RAPGEFL1: variants seen among roughly 807,000 people sequenced by gnomAD.
RAPGEFL1 encodes Rap guanine nucleotide exchange factor like 1, also known as rap guanine nucleotide exchange factor-like 1.
A neutral mutation model predicts 64.4 loss-of-function variants in RAPGEFL1; 31 were observed. The ratio of observed to expected loss-of-function variants is 0.48; its 90% CI spans 0.36 to 0.65. The LOEUF (loss-of-function observed/expected upper bound fraction) is 0.65, where lower values mean the gene tolerates loss of function less well. RAPGEFL1 is among the 30% of genes least tolerant of loss of function. The pLI is 0.00. For synonymous variants in RAPGEFL1, 331 were observed against 274.1 expected (o/e 1.21, Z -2.05); for missense variants, 682 against 677.4 (o/e 1.01, Z -0.08).
At chr17:40,177,256 T>G (rs911034303), upstream of RAPGEFL1, 2 of 702,480 alleles carry the variant, frequency 2.8e-6, no homozygotes, top group Non-Finnish European at 2.6e-6. Context: ...GACCCGGTTA[T>G]CCCTTGAGCC....
chr17:40,184,140 A>G (rs1989985659), intron 2 of RAPGEFL1, 74 bp from the exon 3 acceptor site: 6 of 1,148,786 alleles, frequency 5.2e-6, no homozygotes, highest in African/African-American at 1.5e-5. Flanking sequence ...CACTGCGCCC[A>G]GCCTAGCCTC....
intron 2 of RAPGEFL1, among the ~76,000 whole-genome samples, chr17:40,182,121 C>G (rs1989913885): frequency 6.6e-6 from 1 of 151,932 alleles, no homozygotes; most frequent in African/African-American, 2.4e-5. Flanking sequence ...GGTTTCAGTC[C>G]CAGCTTTTCT....
intron 2 of RAPGEFL1, among the ~76,000 whole-genome samples, chr17:40,182,248 T>C (rs1266673827): frequency 6.6e-6 from 1 of 152,142 alleles, no homozygotes; most frequent in Non-Finnish European, 1.5e-5. Context: ...GCTATGAAGA[T>C]CAGTCTGATA....
At position 40,192,766 on chromosome 17, in the gene RAPGEFL1, C is replaced by G; in HGVS notation, c.1744+73C>G. 2.7e-6 allele frequency: 4 copies of G among 1,474,260 alleles called. No individual in the cohort carries two copies. In the South Asian group the frequency reaches 4.6e-5, roughly 17 times the overall value. 91.3% of individuals were successfully genotyped at this position (1,474,260 alleles called of 1,614,324 possible). On this transcript the variant is annotated intron_variant, in intron 12 of 14. Transcript: ENST00000620260. ...TCTCCTATGCCCTGCTTCTGACTTCCAGCTCCCTCTCGACTCAGCCCTGAG... is the reference window on the plus strand; with the variant it reads ...TCTCCTATGCCCTGCTTCTGACTTCGAGCTCCCTCTCGACTCAGCCCTGAG...
In RAPGEFL1 at chr17:40,177,473, T is replaced by G; in HGVS notation, c.-389T>G. The G allele has an allele frequency of 1.6e-6, 1 of 623,278 alleles. No homozygotes were observed. The highest frequency in any genetic ancestry group is 2.9e-6 in the Non-Finnish European group (1 of 346,644). The allele number at this position is 623,278 out of a possible 1,614,324, so 38.6% of individuals were successfully genotyped here. On this transcript the variant is annotated 5_prime_UTR_variant, in exon 1 of 15. Transcript: ENST00000620260. The stretch of plus-strand genomic sequence containing the variant: ...GGGCGCGGTCTCGGTTCTGCCACCT[T>G]CCCCCTCTTCACGGCCAGGAGCGCA...
At chr17:40,181,866 G>A (rs546536365) in intron 2 of RAPGEFL1, among the ~76,000 whole-genome samples, 172 bp downstream of exon 2, 1 of 152,236 alleles carries the variant, frequency 6.6e-6, no homozygotes, top group Admixed American at 6.5e-5. Context: ...CGGATCACCT[G>A]AGGTCAGGAG....
rs1990330719 is a variant in RAPGEFL1 at position 40,192,982 on chromosome 17, G to C, written c.1801G>C (p.Glu601Gln). Reference sequence around the variant, plus strand: ...CCTTGTAGATGGTTTGGTGAACATCGAGAAGCTGGTGAGTGAGTGGCACTG... The same window carrying C: ...CCTTGTAGATGGTTTGGTGAACATCCAGAAGCTGGTGAGTGAGTGGCACTG... ...KTLVDGLVNI[E>Q]KLHSVAEKVR... Residue 601 changes from glutamate (E) to glutamine (Q), a missense_variant, in exon 13 of 15, where the codon GAG becomes CAG. Glu to Gln is a conservative substitution (Grantham distance 29). This residue lies in a region of RAPGEFL1 where 411 missense variants were observed against 519.4 expected (regional missense o/e 0.79). Coordinates refer to ENST00000620260, the MANE Select transcript of RAPGEFL1 (RefSeq NM_016339.6). 1 of 1,613,778 alleles carries C rather than the reference G, an allele frequency of 6.2e-7. No homozygotes were observed. Among genetic ancestry groups the C allele is most frequent in the Non-Finnish European group, 8.5e-7 (1 of 1,179,678 alleles).
At position 40,191,391 on chromosome 17, in the gene RAPGEFL1, C is replaced by T; in HGVS notation, c.1411C>T (p.Arg471Cys). ...GGCCAACTTGGAGCTGCTGCTGCAG[C>T]GCTGCAGCGAGGTCACGCACTGGGT... Reference protein sequence around the residue: ...ETANLELLLQRCSEVTHWVAT... With the variant: ...ETANLELLLQCCSEVTHWVAT... The change falls in exon 9 of 15, where the codon CGC becomes TGC. Residue 471 changes from arginine to cysteine, a missense_variant. Coordinates refer to ENST00000620260, the MANE Select transcript of RAPGEFL1 (RefSeq NM_016339.6). The surrounding 1 kb of genome is among the most constrained non-coding windows in gnomAD (Gnocchi z 5.1). The T allele has an allele frequency of 6.2e-7, 1 of 1,600,816 alleles. No individual in the cohort carries two copies. Among genetic ancestry groups the T allele is most frequent in the Non-Finnish European group, 8.5e-7 (1 of 1,177,708 alleles).
Position 40,194,231 on chromosome 17 carries a change from CCG to C in RAPGEFL1, c.*444_*445del, listed in dbSNP as rs1990381396. On this transcript the variant is annotated 3_prime_UTR_variant, in exon 15 of 15. Transcript: ENST00000620260. ...TGGGACCCCCAGGAATATTATGTTG[CCG>C]TGTGTGTGTGTGTGTGTGTGTGTGT... 1.4e-5 allele frequency: 2 copies of C among 139,106 alleles called. No individual in the cohort carries two copies. Among genetic ancestry groups the C allele is most frequent in the African/African-American group, 3.7e-5 (1 of 27,270 alleles). 8.6% of individuals were successfully genotyped at this position (139,106 alleles called of 1,614,324 possible).
chr17:40,190,776 C>G lies in RAPGEFL1; in HGVS notation c.1335+14C>G. 3 of 1,613,812 alleles carry G rather than the reference C, an allele frequency of 1.9e-6. No homozygotes were observed. Among genetic ancestry groups the G allele is most frequent in the Non-Finnish European group, 2.5e-6 (3 of 1,179,844 alleles). On this transcript the variant is annotated intron_variant, in intron 8 of 14. Coordinates refer to ENST00000620260, the MANE Select transcript of RAPGEFL1 (RefSeq NM_016339.6). Reference sequence around the variant, plus strand: ...TGTGTGCATGAGGTGGGGACCGAGGCTGGTGCTATGCTGGGGGGCTGGAGG... The same window carrying G: ...TGTGTGCATGAGGTGGGGACCGAGGGTGGTGCTATGCTGGGGGGCTGGAGG...
At chr17:40,179,267 C>T (rs927611923) in intron 1 of RAPGEFL1, among the ~76,000 whole-genome samples, 7 of 152,128 alleles carry the variant, frequency 4.6e-5, no homozygotes, top group Admixed American at 4.6e-4. Context: ...GGGGTTTCAC[C>T]GTGTTAGCCA....
rs1263143493 is a variant in RAPGEFL1 at position 40,191,923 on chromosome 17, T to C, written c.1605+251T>C. Among the ~76,000 whole-genome samples the C allele has an allele frequency of 6.6e-6, 1 of 152,224 alleles. No individual in the cohort carries two copies. The highest frequency in any genetic ancestry group is 1.5e-5 in the Non-Finnish European group (1 of 68,034). On this transcript the variant is annotated intron_variant, in intron 10 of 14. Transcript: ENST00000620260. This position sits in a 1 kb window ranked among gnomAD's most constrained non-coding sequence, Gnocchi z 5.1. ...CCTTGGCCAGGTCAGGTCGCAGACT[T>C]GGCTGTGGGAGTTGGGCTGATTTTC...
rs546327859 is a variant in RAPGEFL1, at chr17:40,178,133, T to A, written c.272T>A (p.Val91Asp). The A allele has an allele frequency of 1.9e-6, 1 of 532,068 alleles. No individual in the cohort carries two copies. Among genetic ancestry groups the A allele is most frequent in the Non-Finnish European group, 3.3e-6 (1 of 301,726 alleles). The allele number at this position is 532,068 out of a possible 1,614,324, so 33.0% of individuals were successfully genotyped here. ...GAGGAAGGAGGAGAGCCGGCGGGGG[T>A]CGCGGAGGAGCCGGGCAGCGGGGGG... ...PEEEGGEPAG[V>D]AEEPGSGGPC... Residue 91 changes from valine (V) to aspartate (D), a missense_variant, in exon 1 of 15, where the codon GTC becomes GAC. This residue lies in a region of RAPGEFL1 where 271 missense variants were observed against 158.0 expected (regional missense o/e 1.72). Coordinates refer to ENST00000620260, the MANE Select transcript of RAPGEFL1 (RefSeq NM_016339.6).
chr17:40,178,809 G>A (rs1357567018), intron 1 of RAPGEFL1, among the ~76,000 whole-genome samples: 5 of 152,246 alleles, frequency 3.3e-5, no homozygotes, highest in Non-Finnish European at 7.3e-5. Context: ...TGACTGTTCA[G>A]AGGCCTACAC....
intron 4 of RAPGEFL1, among the ~76,000 whole-genome samples, chr17:40,187,860 G>A (rs368723507): frequency 3.4e-5 from 5 of 148,540 alleles, no homozygotes; most frequent in African/African-American, 1.0e-4. Flanking sequence ...TGATCCGCCC[G>A]CCTTGGCCTC....
Position 40,177,820 on chromosome 17 carries a change from C to G in RAPGEFL1, c.-42C>G. 1 of 412,650 alleles carries G rather than the reference C, an allele frequency of 2.4e-6. No individual in the cohort carries two copies. The highest frequency in any genetic ancestry group is 4.3e-6 in the Non-Finnish European group (1 of 233,652). The allele number at this position is 412,650 out of a possible 1,614,324, so 25.6% of individuals were successfully genotyped here. ...CCCCCCCCGCCCGCGCCTGGGATAC[C>G]TGGGTCCCCCGGCGACCCCTAGGAG... On this transcript the variant is annotated 5_prime_UTR_variant, in exon 1 of 15. Transcript: ENST00000620260.
At chr17:40,185,647 G>A (rs1347661761) in intron 4 of RAPGEFL1, among the ~76,000 whole-genome samples, 19 of 151,878 alleles carry the variant, frequency 1.3e-4, no homozygotes, top group Admixed American at 1.2e-3. Flanking sequence ...AGCTGGGCGT[G>A]GTAGGGCGCT....
chr17:40,190,614 GC>G (rs1307781701), intron 7 of RAPGEFL1, 25 bp from the exon 8 acceptor site: 1 of 1,613,808 alleles, frequency 6.2e-7, no homozygotes, highest in Admixed American at 1.7e-5. Context: ...CAGGAGCCCA[GC>G]CCCTATGCCC....
In RAPGEFL1 at chr17:40,177,510, C is replaced by T. The variant is rs1989746299; in HGVS notation, c.-352C>T. The T allele has an allele frequency of 1.7e-6, 1 of 597,212 alleles. No individual in the cohort carries two copies. Among genetic ancestry groups the T allele is most frequent in the Non-Finnish European group, 3.0e-6 (1 of 336,656 alleles). The allele number at this position is 597,212 out of a possible 1,614,324, so 37.0% of individuals were successfully genotyped here. ...CGGCCAGGAGCGCAGCCGCCGCCGC[C>T]GCCGCCGCCGCGTCCTCTCAGCCTT... On this transcript the variant is annotated 5_prime_UTR_variant, in exon 1 of 15. Coordinates refer to ENST00000620260, the MANE Select transcript of RAPGEFL1 (RefSeq NM_016339.6).
Sources: gnomAD v4.1 joint callset for allele counts (sites outside exome capture counted in the v4.1 genomes callset) on GRCh38, gnomAD v4.1.1 for gene constraint, gnomAD v4.1.1 regional missense constraint, Gnocchi (gnomAD v3.1) non-coding constraint, MANE v1.5 for transcripts, NCBI Gene and HGNC (gene_info 2026-07-23, HGNC 2026-07-21) for gene names.